The following ASB3 variants were observed in gnomAD, a reference collection of about 807,000 sequenced individuals.
The protein encoded by ASB3 is ankyrin repeat and SOCS box containing 3, also known as ankyrin repeat and SOCS box protein 3.
In ASB3, 41 loss-of-function variants were observed where a neutral mutation model predicts 54.5. The observed-to-expected ratio is 0.75, with a 90% CI of 0.59 to 0.98. ASB3 has a LOEUF of 0.98. Among genes scored for constraint, ASB3 ranks in the 50% least tolerant of loss-of-function variants. The pLI is 0.00. For missense variants in ASB3, 733 were observed against 620.0 expected (o/e 1.18, Z -1.94); for synonymous variants, 266 against 221.2 (o/e 1.20, Z -1.80).
At chr2:53,772,380 T>C (rs753807737) in intron 1 of ASB3, among the ~76,000 whole-genome samples, 1 of 152,330 alleles carries the variant, frequency 6.6e-6, no homozygotes, top group East Asian at 1.9e-4. Context: ...TTCACCGTGT[T>C]AGCCAGGATG....
At chr2:53,693,500 C>G (rs1296775347) in intron 9 of ASB3, among the ~76,000 whole-genome samples, 1 of 152,030 alleles carries the variant, frequency 6.6e-6, no homozygotes, top group Non-Finnish European at 1.5e-5. Flanking sequence ...ACACAGAGAA[C>G]ATAACTCCAC....
At chr2:53,713,981 A>G (rs748536712) in intron 7 of ASB3, among the ~76,000 whole-genome samples, 4 of 152,138 alleles carry the variant, frequency 2.6e-5, no homozygotes, top group Non-Finnish European at 5.9e-5. Context: ...CTATAAAACT[A>G]AAGTTTAATT....
chr2:53,754,114 G>A (rs1672683688), intron 2 of ASB3, among the ~76,000 whole-genome samples: 4 of 152,234 alleles, frequency 2.6e-5, no homozygotes, highest in South Asian at 2.1e-4. Flanking sequence ...GAGACAATAG[G>A]AGCCACTCTG....
intron 1 of ASB3, among the ~76,000 whole-genome samples, chr2:53,783,978 C>G (rs1235609929): frequency 1.7e-4 from 26 of 152,182 alleles, no homozygotes; most frequent in Admixed American, 1.7e-3. Flanking sequence ...ACTTGTAAAG[C>G]AACTAGTCTA....
At chr2:53,774,284 G>T (rs1404698535) in intron 1 of ASB3, 3 of 1,614,130 alleles carry the variant, frequency 1.9e-6, no homozygotes, top group Non-Finnish European at 2.5e-6. Flanking sequence ...AAACCATTCA[G>T]TGTATTGCTA....
intron 4 of ASB3, 38 bp downstream of exon 4, chr2:53,729,420 A>C: frequency 6.2e-7 from 1 of 1,605,720 alleles, no homozygotes; most frequent in Non-Finnish European, 8.5e-7. Flanking sequence ...TAAAACACAC[A>C]ATTTACATGG....
chr2:53,781,237 A>G lies in ASB3; in HGVS notation c.-14+5584T>C, dbSNP rs551026502. On this transcript the variant is annotated intron_variant, in intron 1 of 9. Transcript: ENST00000263634. ...AGCCTGGGCAACATGGCAAAACCCTATCTCTTACAAAAAATACAAAAAAAA... is the reference window on the plus strand; with the variant it reads ...AGCCTGGGCAACATGGCAAAACCCTGTCTCTTACAAAAAATACAAAAAAAA... Among the ~76,000 whole-genome samples, 24 of 151,744 alleles carry G rather than the reference A, an allele frequency of 1.6e-4. No homozygotes were observed. In the South Asian group the frequency reaches 5.0e-3, roughly 32 times the overall value.
At chr2:53,735,527 T>C (rs1328465156) in intron 3 of ASB3, among the ~76,000 whole-genome samples, 7 of 141,414 alleles carry the variant, frequency 4.9e-5, no homozygotes, top group Non-Finnish European at 7.7e-5. Flanking sequence ...TTCATAGATA[T>C]AAAGATTCAC....
intron 2 of ASB3, among the ~76,000 whole-genome samples, chr2:53,759,218 T>C (rs948553097): frequency 6.6e-6 from 1 of 151,900 alleles, no homozygotes; most frequent in Admixed American, 6.6e-5. Flanking sequence ...AATCAGAACA[T>C]GGAGATTGGT....
At chr2:53,692,465 G>T (rs1217289416) in intron 9 of ASB3, among the ~76,000 whole-genome samples, 3 of 152,048 alleles carry the variant, frequency 2.0e-5, no homozygotes, top group Non-Finnish European at 4.4e-5. Context: ...TCTGAGAAAG[G>T]TTTTCTTGAA....
chr2:53,670,453 C>T lies in ASB3; in HGVS notation c.*50G>A, dbSNP rs1011213519. 3 of 1,573,710 alleles carry T rather than the reference C, an allele frequency of 1.9e-6. No homozygotes were observed. Among genetic ancestry groups the T allele is most frequent in the Non-Finnish European group, 2.6e-6 (3 of 1,161,600 alleles). On this transcript the variant is annotated 3_prime_UTR_variant, in exon 10 of 10. Transcript: ENST00000263634. ...CTTGTACTCTGTGGCTCTTTTGTCT[C>T]GATGATTTTTCAGAGAAAAAAATTA...
At chr2:53,679,487 T>C (rs897558535) in intron 9 of ASB3, among the ~76,000 whole-genome samples, 2 of 152,114 alleles carry the variant, frequency 1.3e-5, no homozygotes, top group African/African-American at 4.8e-5. Context: ...ATCTTTCTTC[T>C]CCATCTCAAA....
At chr2:53,696,677 C>G (rs551528098) in intron 8 of ASB3, among the ~76,000 whole-genome samples, 1 of 152,084 alleles carries the variant, frequency 6.6e-6, no homozygotes, top group Admixed American at 6.6e-5. Flanking sequence ...AAGAGTCAAC[C>G]AATGGTAGAT....
chr2:53,684,632 T>A (rs994150357), intron 9 of ASB3, among the ~76,000 whole-genome samples: 10 of 152,352 alleles, frequency 6.6e-5, no homozygotes, highest in African/African-American at 2.4e-4. Context: ...GTAGTCCCAC[T>A]GTCTTCTCAC....
rs555032959 is a variant in ASB3 at position 53,736,567 on chromosome 2, C to T, written c.356-6997G>A. ...CAAAAATATTAGCCAGGCATGTTGGCGGGCGCCTGTAGTCCCAACTACTTG... is the reference window on the plus strand; with the variant it reads ...CAAAAATATTAGCCAGGCATGTTGGTGGGCGCCTGTAGTCCCAACTACTTG... On this transcript the variant is annotated intron_variant, in intron 3 of 9. Coordinates refer to ENST00000263634, the MANE Select transcript of ASB3 (RefSeq NM_016115.5). 6.6e-5 allele frequency among the ~76,000 whole-genome samples: 10 copies of T among 152,078 alleles called. No individual in the cohort carries two copies. The South Asian group carries it at 2.1e-3, about 32-fold the overall frequency.
At chr2:53,766,659 GA>G (rs1673478743) in intron 1 of ASB3, among the ~76,000 whole-genome samples, 1 of 152,126 alleles carries the variant, frequency 6.6e-6, no homozygotes, top group Admixed American at 6.5e-5. Flanking sequence ...GGATCTAGAT[GA>G]AAGGTATTGG....
chr2:53,755,715 A>G (rs138154139), intron 2 of ASB3, among the ~76,000 whole-genome samples: 1,730 of 152,374 alleles, frequency 0.011, 19 homozygotes, highest in Non-Finnish European at 0.018. Flanking sequence ...TGCACACAAG[A>G]TGCATGGAAG....
intron 1 of ASB3, chr2:53,767,853 T>C (rs1673587962): frequency 6.3e-7 from 1 of 1,583,000 alleles, no homozygotes; most frequent in Admixed American, 1.8e-5. Context: ...ACAGCTAGGG[T>C]TCACGGCCAC....
In ASB3 at chr2:53,767,876, G is replaced by A. The variant is rs534676362; in HGVS notation, c.-13-2291C>T. ...GGTTCACGGCCACTGGGGCAGAGGA[G>A]CCGCGAGAAGATGTGGGTTTTTGGT... On this transcript the variant is annotated intron_variant, in intron 1 of 9. Transcript: ENST00000263634. 110 of 1,601,694 alleles carry A rather than the reference G, an allele frequency of 6.9e-5. 5 individuals are homozygous for A. In the South Asian group the frequency reaches 1.1e-3, roughly 16 times the overall value.
Sources: allele counts gnomAD v4.1 joint callset (sites outside exome capture counted in the v4.1 genomes callset), GRCh38; gene constraint gnomAD v4.1.1; transcripts MANE v1.5; gene names NCBI Gene and HGNC (gene_info 2026-07-23, HGNC 2026-07-21).